The following TSHZ2 variants were observed in gnomAD, a reference collection of about 807,000 sequenced individuals.
TSHZ2 encodes teashirt homolog 2.
A neutral mutation model predicts 74.4 loss-of-function variants in TSHZ2; 21 were observed. That is an observed-to-expected ratio of 0.28 (90% CI 0.20 to 0.41). TSHZ2 has a LOEUF of 0.41. Ranked by LOEUF, TSHZ2 falls within the 10% of genes least tolerant of loss-of-function variation. The pLI, the probability that TSHZ2 is intolerant of heterozygous loss-of-function variation, is 1.00. For synonymous variants in TSHZ2, 540 were observed against 515.3 expected (o/e 1.05, Z -0.65); for missense variants, 1,244 against 1,293.5 (o/e 0.96, Z 0.59).
chr20:53,471,713 A>G (rs1028990942), intron 2 of TSHZ2, among the ~76,000 whole-genome samples: 14 of 151,894 alleles, frequency 9.2e-5, no homozygotes, highest in Non-Finnish European at 1.9e-4. Context: ...AGAGGGACCC[A>G]GGTGAAGGCA....
intron 1 of TSHZ2, among the ~76,000 whole-genome samples, chr20:52,991,251 G>C (rs1013664893): frequency 6.6e-6 from 1 of 150,562 alleles, no homozygotes; most frequent in Non-Finnish European, 1.5e-5. Context: ...GTGTTGTGGG[G>C]GGAGAGAGTG....
rs922523048 is a variant in TSHZ2, at chr20:53,074,696, T to A, written c.40+101363T>A. 8.5e-5 allele frequency among the ~76,000 whole-genome samples: 13 copies of A among 152,342 alleles called. No homozygotes were observed. Among genetic ancestry groups the A allele is most frequent in the Admixed American group, 3.9e-4 (6 of 15,304 alleles). ...ACTATAGATACTAATTATTTTTAAC[T>A]ATAGATACTAATTATAGTCTGAATT... On this transcript the variant is annotated intron_variant, in intron 1 of 2. Coordinates refer to ENST00000371497, the MANE Select transcript of TSHZ2 (RefSeq NM_173485.6). This position sits in a 1 kb window ranked among gnomAD's most constrained non-coding sequence, Gnocchi z 5.9.
At chr20:53,122,598 T>C (rs1351896192) in intron 1 of TSHZ2, among the ~76,000 whole-genome samples, 2 of 152,140 alleles carry the variant, frequency 1.3e-5, no homozygotes, top group African/African-American at 4.8e-5. Context: ...GGGGCAGCTC[T>C]CTGGAAGGAT....
Position 53,472,950 on chromosome 20 carries a change from G to A in TSHZ2, c.*9-14194G>A, listed in dbSNP as rs1985869518. ...ACCCGAATACTGCGCTTTTCCGACGGGCTTAAAAAACGGCGCACCACGAGA... is the reference window on the plus strand; with the variant it reads ...ACCCGAATACTGCGCTTTTCCGACGAGCTTAAAAAACGGCGCACCACGAGA... On this transcript the variant is annotated intron_variant, in intron 2 of 2. Transcript: ENST00000371497. Among the ~76,000 whole-genome samples, 15 of 152,176 alleles carry A rather than the reference G, an allele frequency of 9.9e-5. No individual in the cohort carries two copies. The South Asian group carries it at 3.1e-3, about 32-fold the overall frequency.
chr20:53,347,634 C>CTTT (rs11479969), intron 2 of TSHZ2, among the ~76,000 whole-genome samples: 2 of 150,768 alleles, frequency 1.3e-5, no homozygotes, highest in African/African-American at 2.4e-5. Context: ...ATCTTTTTTA[C>CTTT]TTTTTTTTTT....
chr20:53,057,995 G>C (rs894687201), intron 1 of TSHZ2, among the ~76,000 whole-genome samples: 14 of 152,156 alleles, frequency 9.2e-5, no homozygotes, highest in African/African-American at 3.1e-4. Context: ...ATTTTTCTAG[G>C]ACTGGAGGTA....
At chr20:53,459,346 T>TA (rs1985253614) in intron 2 of TSHZ2, among the ~76,000 whole-genome samples, 1 of 152,206 alleles carries the variant, frequency 6.6e-6, no homozygotes, top group Non-Finnish European at 1.5e-5. Context: ...TTTGTTGGTT[T>TA]AAAGTCTGTT....
rs566218689 is a variant in TSHZ2 at position 53,101,608 on chromosome 20, G to A, written c.40+128275G>A. 5.4e-4 allele frequency among the ~76,000 whole-genome samples: 82 copies of A among 152,150 alleles called. 1 individual carries two copies. In the South Asian group the frequency reaches 0.016, roughly 30 times the overall value. On this transcript the variant is annotated intron_variant, in intron 1 of 2. Transcript: ENST00000371497. ...GAAACCACAGCCCCCACTCCTCCTGGGTTCTCTAGCACATCTCAATTGGCT... is the reference window on the plus strand; with the variant it reads ...GAAACCACAGCCCCCACTCCTCCTGAGTTCTCTAGCACATCTCAATTGGCT...
intron 1 of TSHZ2, among the ~76,000 whole-genome samples, chr20:53,152,504 T>C (rs1342318695): frequency 6.6e-6 from 1 of 152,194 alleles, no homozygotes; most frequent in Non-Finnish European, 1.5e-5. Flanking sequence ...TGGCTGTTGC[T>C]CTACTGGTTG....
intron 1 of TSHZ2, among the ~76,000 whole-genome samples, chr20:53,199,890 C>T (rs541585791): frequency 6.6e-6 from 1 of 152,308 alleles, no homozygotes; most frequent in African/African-American, 2.4e-5. Flanking sequence ...GTTTCTATGG[C>T]ACAGGTGCCT....
At chr20:53,476,124 A>G (rs1985984945) in intron 2 of TSHZ2, among the ~76,000 whole-genome samples, 2 of 144,582 alleles carry the variant, frequency 1.4e-5, no homozygotes, top group South Asian at 2.3e-4. Flanking sequence ...ATTCCAATCA[A>G]TAGAAAAAGA....
chr20:53,194,725 G>A (rs1343106649), intron 1 of TSHZ2, among the ~76,000 whole-genome samples: 1 of 152,236 alleles, frequency 6.6e-6, no homozygotes, highest in African/African-American at 2.4e-5. Context: ...GCCTGGGTAA[G>A]GCCTGGGCCA....
intron 2 of TSHZ2, among the ~76,000 whole-genome samples, chr20:53,467,724 G>T (rs1985603645): frequency 6.6e-6 from 1 of 152,198 alleles, no homozygotes; most frequent in African/African-American, 2.4e-5. Context: ...GGTATAGACT[G>T]CAGCCTTAGG....
chr20:53,064,612 C>T (rs1984918563), intron 1 of TSHZ2, among the ~76,000 whole-genome samples: 1 of 151,818 alleles, frequency 6.6e-6, no homozygotes, highest in Non-Finnish European at 1.5e-5. Flanking sequence ...GCACTCCAGC[C>T]TGGGCAACAG....
At chr20:53,203,250 A>G (rs1989054154) in intron 1 of TSHZ2, among the ~76,000 whole-genome samples, 1 of 146,284 alleles carries the variant, frequency 6.8e-6, no homozygotes, top group Admixed American at 7.0e-5. Flanking sequence ...GCTGGAGTGC[A>G]GTGGCACGAT....
At chr20:53,050,290 A>T (rs2123127266) in intron 1 of TSHZ2, among the ~76,000 whole-genome samples, 1 of 151,628 alleles carries the variant, frequency 6.6e-6, no homozygotes, top group East Asian at 1.9e-4. Flanking sequence ...ACCGCTGCCG[A>T]TTTACTCTCA....
intron 1 of TSHZ2, among the ~76,000 whole-genome samples, chr20:53,126,160 G>A (rs763001536): frequency 6.6e-6 from 1 of 152,208 alleles, no homozygotes; most frequent in African/African-American, 2.4e-5. Context: ...AACAACACTA[G>A]TGCTCATCCA....
At chr20:53,150,764 TAAAAA>T (rs1222258807) in intron 1 of TSHZ2, among the ~76,000 whole-genome samples, 1 of 151,640 alleles carries the variant, frequency 6.6e-6, no homozygotes, top group South Asian at 2.1e-4. Flanking sequence ...GAGAAGATCT[TAAAAA>T]GAGAAGAAAA....
chr20:53,470,769 C>T (rs372572573), intron 2 of TSHZ2, among the ~76,000 whole-genome samples: 78 of 152,068 alleles, frequency 5.1e-4, no homozygotes, highest in African/African-American at 1.3e-3. Context: ...GCGGAGATTG[C>T]GCCACTGCAC....
Sources: allele counts gnomAD v4.1 joint callset (sites outside exome capture counted in the v4.1 genomes callset), GRCh38; gene constraint gnomAD v4.1.1; non-coding constraint Gnocchi (gnomAD v3.1); transcripts MANE v1.5; gene names NCBI Gene and HGNC (gene_info 2026-07-23, HGNC 2026-07-21).